Variants in USP5 observed in about 807,000 individuals in gnomAD.
The protein encoded by USP5 is ubiquitin carboxyl-terminal hydrolase 5.
A neutral mutation model predicts 102.5 loss-of-function variants in USP5; 24 were observed. The ratio of observed to expected loss-of-function variants is 0.23; its 90% CI spans 0.17 to 0.33. The LOEUF is 0.33. USP5 is among the 10% of genes least tolerant of loss of function. USP5 has a pLI of 1.00. For missense variants in USP5, 753 were observed against 1,122.1 expected (o/e 0.67, Z 4.70); for synonymous variants, 460 against 434.8 (o/e 1.06, Z -0.72).
In USP5 at chr12:6,860,538, C is replaced by T. The variant is rs11830318; in HGVS notation, c.1344+47C>T. ...CACCCCCATCTTCCTGCAATTTACTCGCTCTCCTTCCTGCCCATTTCTCCC... is the reference window on the plus strand; with the variant it reads ...CACCCCCATCTTCCTGCAATTTACTTGCTCTCCTTCCTGCCCATTTCTCCC... On this transcript the variant is annotated intron_variant, in intron 11 of 19. Coordinates refer to ENST00000229268, the MANE Select transcript of USP5 (RefSeq NM_001098536.2). The surrounding 1 kb of genome is among the most constrained non-coding windows in gnomAD (Gnocchi z 5.5). The T allele has an allele frequency of 3.1e-6, 5 of 1,608,478 alleles. No homozygotes were observed. The highest frequency in any genetic ancestry group is 2.2e-5 in the East Asian group (1 of 44,876).
chr12:6,861,375 T>TA lies in USP5; in HGVS notation c.1499-67dup. 1 of 1,492,618 alleles carries TA rather than the reference T, an allele frequency of 6.7e-7. No individual in the cohort carries two copies. The allele number at this position is 1,492,618 out of a possible 1,614,324, so 92.5% of individuals were successfully genotyped here. A position where few individuals can be genotyped will look rare whatever the true frequency, so the allele number is the denominator to read the frequency against. Reference sequence around the variant, plus strand: ...AACTGAAATACGGACACAGAGCCAGTAGGGAGAGGCTAAGGAGGCAAAGAA... The same window carrying TA: ...AACTGAAATACGGACACAGAGCCAGTAAGGGAGAGGCTAAGGAGGCAAAGAA... On this transcript the variant is annotated intron_variant, in intron 12 of 19. Coordinates refer to ENST00000229268, the MANE Select transcript of USP5 (RefSeq NM_001098536.2). The surrounding 1 kb of genome is among the most constrained non-coding windows in gnomAD (Gnocchi z 4.9).
At position 6,860,199 on chromosome 12, in the gene USP5, A is replaced by G. The variant is rs141933928; in HGVS notation, c.1179A>G (p.Val393=). The G allele has an allele frequency of 6.2e-4, 1,005 of 1,608,228 alleles. 6 individuals carry two copies. Among genetic ancestry groups the G allele is most frequent in the Middle Eastern group, 2.7e-3 (16 of 6,018 alleles). Reference sequence around the variant, plus strand: ...TCTCCGGGGAGTATTCCAAGCCAGTACCGGAGTCGGGCGATGGGGAGCGGG... The same window carrying G: ...TCTCCGGGGAGTATTCCAAGCCAGTGCCGGAGTCGGGCGATGGGGAGCGGG... ...GLLSGEYSKP[V]PESGDGERVP... Residue 393 remains valine, a synonymous_variant, in exon 10 of 20, where the codon GTA becomes GTG. Transcript: ENST00000229268. This position sits in a 1 kb window ranked among gnomAD's most constrained non-coding sequence, Gnocchi z 5.5.
In USP5 at chr12:6,860,326, CACTGAGCCCCA is replaced by C; in HGVS notation, c.1219-39_1219-29del. On this transcript the variant is annotated intron_variant, in intron 10 of 19. Coordinates refer to ENST00000229268, the MANE Select transcript of USP5 (RefSeq NM_001098536.2). This position sits in a 1 kb window ranked among gnomAD's most constrained non-coding sequence, Gnocchi z 5.5. ...TGTCTAAAGAAGGCCCCTGGATGGC[CACTGAGCCCCA>C]GCTGAGTCCCTGCCCTGACTCTTCC... 1 of 1,613,912 alleles carries C rather than the reference CACTGAGCCCCA, an allele frequency of 6.2e-7. No homozygotes were observed. Among genetic ancestry groups the C allele is most frequent in the Non-Finnish European group, 8.5e-7 (1 of 1,179,870 alleles).
At position 6,863,920 on chromosome 12, in the gene USP5, A is replaced by G. The variant is rs781897929; in HGVS notation, c.2045A>G (p.Asn682Ser). The change falls in exon 16 of 20, where the codon AAC becomes AGC. Residue 682 changes from asparagine (N) to serine (S), a missense_variant. Asn to Ser is a conservative substitution (Grantham distance 46, BLOSUM62 1). Transcript: ENST00000229268. This position sits in a 1 kb window ranked among gnomAD's most constrained non-coding sequence, Gnocchi z 4.7. ...CGCAAAGCTGTCTACTACACGGGCA[A>G]CAGCGGGGCTGAGGCCGCCATGAAC... is the stretch of plus-strand genomic sequence containing the variant. Reference protein sequence around the residue: ...ACRKAVYYTGNSGAEAAMNWV... With the variant: ...ACRKAVYYTGSSGAEAAMNWV... 2.5e-6 allele frequency: 4 copies of G among 1,610,796 alleles called. No homozygotes were observed. Among genetic ancestry groups the G allele is most frequent in the African/African-American group, 1.3e-5 (1 of 74,978 alleles).
intron 13 of USP5, among the ~76,000 whole-genome samples, chr12:6,862,129 A>G (rs1944297142): frequency 7.1e-6 from 1 of 140,390 alleles, no homozygotes; most frequent in Admixed American, 7.2e-5. Flanking sequence ...TTTTTTCCCT[A>G]CGTGTGGGTC....
chr12:6,865,544 T>G (rs2138076529), intron 19 of USP5, among the ~76,000 whole-genome samples: 1 of 152,286 alleles, frequency 6.6e-6, no homozygotes, highest in South Asian at 2.1e-4. Flanking sequence ...ATTACAGGCA[T>G]GAGCTACCGT....
In USP5 at chr12:6,856,642, C is replaced by G; in HGVS notation, c.585-65C>G. ...ATTGGCGGGGGGCCTGCAGAGCCCTCTCTCTCTGCCACTCCCTCAAATCCC... is the reference window on the plus strand; with the variant it reads ...ATTGGCGGGGGGCCTGCAGAGCCCTGTCTCTCTGCCACTCCCTCAAATCCC... On this transcript the variant is annotated intron_variant, in intron 5 of 19. Transcript: ENST00000229268. This position sits in a 1 kb window ranked among gnomAD's most constrained non-coding sequence, Gnocchi z 5.6. The G allele has an allele frequency of 6.3e-7, 1 of 1,581,162 alleles. No individual in the cohort carries two copies. The highest frequency in any genetic ancestry group is 8.6e-7 in the Non-Finnish European group (1 of 1,163,654).
Position 6,858,646 on chromosome 12 carries a change from C to T in USP5, c.1058+29C>T. The T allele has an allele frequency of 6.3e-7, 1 of 1,581,572 alleles. No individual in the cohort carries two copies. The highest frequency in any genetic ancestry group is 1.1e-5 in the South Asian group (1 of 89,572). On this transcript the variant is annotated intron_variant, in intron 8 of 19. Transcript: ENST00000229268. This position sits in a 1 kb window ranked among gnomAD's most constrained non-coding sequence, Gnocchi z 4.2. The stretch of plus-strand genomic sequence containing the variant: ...AGTAGTGCCCTCTCCTTCCCCAGGC[C>T]CCCTCCTGGTCAGCACCCTCTGGGC...
rs1944445246 is a variant in USP5, at chr12:6,866,331, G to GC, written c.*259dup. The GC allele has an allele frequency of 2.1e-6, 1 of 481,442 alleles. No homozygotes were observed. Among genetic ancestry groups the GC allele is most frequent in the Non-Finnish European group, 3.8e-6 (1 of 264,044 alleles). 29.8% of individuals were successfully genotyped at this position (481,442 alleles called of 1,614,324 possible). Reference sequence around the variant, plus strand: ...GTAAGGAGACTTTGTTGCTTCCCCTGCCCCCGGAATCCACAGTGCTCTGCT... The same window carrying GC: ...GTAAGGAGACTTTGTTGCTTCCCCTGCCCCCCGGAATCCACAGTGCTCTGCT... On this transcript the variant is annotated 3_prime_UTR_variant, in exon 20 of 20. Transcript: ENST00000229268. This position sits in a 1 kb window ranked among gnomAD's most constrained non-coding sequence, Gnocchi z 4.7.
chr12:6,857,842 T>C, intron 7 of USP5, 119 bp downstream of exon 7: 1 of 875,110 alleles, frequency 1.1e-6, no homozygotes, highest in Non-Finnish European at 1.8e-6. Flanking sequence ...ATCCCCAAGA[T>C]ACACAGGCTT....
intron 1 of USP5, among the ~76,000 whole-genome samples, chr12:6,852,936 C>T (rs1943981132): frequency 6.8e-6 from 1 of 148,014 alleles, no homozygotes; most frequent in Non-Finnish European, 1.5e-5. Flanking sequence ...CAGCCTATCA[C>T]AGACAGCTGA....
rs1253025617 is a variant in USP5 at position 6,864,195 on chromosome 12, G to A, written c.2244G>A (p.Thr748=). ...RDQALKALRA[T]NNSLERAVDW... ...AGGCCTTGAAAGCGCTGCGGGCCAC[G>A]GTATGGGCTGCCCCAGCTAAGGACA... The change falls in exon 17 of 20, where the codon ACG becomes ACA. Residue 748 remains threonine (T), a splice_region_variant and synonymous_variant. Coordinates refer to ENST00000229268, the MANE Select transcript of USP5 (RefSeq NM_001098536.2). This position sits in a 1 kb window ranked among gnomAD's most constrained non-coding sequence, Gnocchi z 4.8. The A allele has an allele frequency of 3.1e-6, 5 of 1,601,570 alleles. No individual in the cohort carries two copies. The highest frequency in any genetic ancestry group is 1.3e-5 in the African/African-American group (1 of 74,602).
At chr12:6,852,740 T>A (rs1397393162) in intron 1 of USP5, among the ~76,000 whole-genome samples, 1 of 152,128 alleles carries the variant, frequency 6.6e-6, no homozygotes, top group Non-Finnish European at 1.5e-5. Flanking sequence ...GGACCGCAGT[T>A]CCTAGGCGGT....
chr12:6,862,499 A>G lies in USP5; in HGVS notation c.1703A>G (p.Tyr568Cys). 2.5e-6 allele frequency: 4 copies of G among 1,614,158 alleles called. No homozygotes were observed. Among genetic ancestry groups the G allele is most frequent in the Non-Finnish European group, 3.4e-6 (4 of 1,180,026 alleles). The change falls in exon 14 of 20, where the codon TAC (tyrosine) becomes TGC (cysteine). Residue 568 changes from tyrosine (Y) to cysteine (C), a missense_variant. Coordinates refer to ENST00000229268, the MANE Select transcript of USP5 (RefSeq NM_001098536.2). ...KTTRFASFPD[Y>C]LVIQIKKFTF... ...ACACGATTTGCCTCATTCCCTGACT[A>G]CCTGGTCATCCAGATCAAGAAGTTC...
chr12:6,863,332 G>C lies in USP5; in HGVS notation c.1909G>C (p.Glu637Gln). 3.1e-6 allele frequency: 5 copies of C among 1,614,134 alleles called. No individual in the cohort carries two copies. Among genetic ancestry groups the C allele is most frequent in the Non-Finnish European group, 3.4e-6 (4 of 1,180,018 alleles). ...AGGTAGCCTTGGTTTCTATGGCAAC[G>C]AAGACGAAGACTCCTTCTGCTCCCC... is the stretch of plus-strand genomic sequence containing the variant. The part of the protein sequence containing the change: ...PKGSLGFYGN[E>Q]DEDSFCSPHF... The change falls in exon 15 of 20, where the codon GAA becomes CAA. Residue 637 changes from glutamate to glutamine, a missense_variant. Glu to Gln is a conservative substitution (Grantham distance 29). Coordinates refer to ENST00000229268, the MANE Select transcript of USP5 (RefSeq NM_001098536.2). The surrounding 1 kb of genome is among the most constrained non-coding windows in gnomAD (Gnocchi z 4.7).
chr12:6,865,317 C>T, intron 19 of USP5, 69 bp downstream of exon 19: 1 of 1,407,158 alleles, frequency 7.1e-7, no homozygotes, highest in Non-Finnish European at 1.0e-6. Context: ...TTTGGAAGTC[C>T]TTGGGATAGC....
At chr12:6,853,792 A>G (rs1227786186) in intron 1 of USP5, among the ~76,000 whole-genome samples, 2 of 152,228 alleles carry the variant, frequency 1.3e-5, no homozygotes, top group Non-Finnish European at 2.9e-5. Context: ...CTCATGGTAG[A>G]AAGAGCTTAG....
Position 6,857,686 on chromosome 12 carries a change from TGTCCCACTTC to T in USP5, c.829_838del (p.Ser277AlafsTer5). 1 of 1,614,156 alleles carries T rather than the reference TGTCCCACTTC, an allele frequency of 6.2e-7. No homozygotes were observed. The highest frequency in any genetic ancestry group is 8.5e-7 in the Non-Finnish European group (1 of 1,180,036). On this transcript the variant is annotated frameshift_variant, in exon 7 of 20. Transcript: ENST00000229268. LOFTEE classifies it high-confidence loss of function. ...CTGGACCCCAGCCTGGCTGAGCACC[TGTCCCACTTC>T]GGCATCGACATGCTGAAGATGCAGA...
At chr12:6,865,333 GAGA>G in intron 19 of USP5, 85 bp downstream of exon 19, 1 of 1,301,080 alleles carries the variant, frequency 7.7e-7, no homozygotes, top group Non-Finnish European at 1.1e-6. Context: ...ATAGCTATGG[GAGA>G]AGGTGAAGGG....
Sources: gnomAD v4.1 joint callset for allele counts (sites outside exome capture counted in the v4.1 genomes callset) on GRCh38, gnomAD v4.1.1 for gene constraint, Gnocchi (gnomAD v3.1) non-coding constraint, MANE v1.5 for transcripts, NCBI Gene and HGNC (gene_info 2026-07-23, HGNC 2026-07-21) for gene names.